The following ZFHX4 variants were observed in gnomAD, a reference collection of about 807,000 sequenced individuals.
ZFHX4 encodes zinc finger homeobox protein 4.
Under a neutral mutation model 267.6 loss-of-function variants are expected in ZFHX4, and 56 were observed. The observed-to-expected ratio is 0.21, with a 90% confidence interval of 0.17 to 0.26. ZFHX4 has a LOEUF of 0.26. Among genes scored for constraint, ZFHX4 ranks in the 10% least tolerant of loss-of-function variants. The pLI is 1.00. For missense variants in ZFHX4, 4,332 were observed against 4,420.0 expected (o/e 0.98, Z 0.56); for synonymous variants, 1,778 against 1,665.6 (o/e 1.07, Z -1.64).
At position 76,866,278 on chromosome 8, in the gene ZFHX4, G is replaced by A. The variant is rs898104412; in HGVS notation, c.*1713G>A. 2 of 152,570 alleles carry A rather than the reference G, an allele frequency of 1.3e-5. No homozygotes were observed. The highest frequency in any genetic ancestry group is 4.8e-5 in the African/African-American group (2 of 41,442). 9.5% of individuals were successfully genotyped at this position (152,570 alleles called of 1,614,324 possible). ...GATATTTCTCTTCCGAGATGAACAA[G>A]TAGCATGTAATGCAACTGTTTGACA... On this transcript the variant is annotated 3_prime_UTR_variant, in exon 11 of 11. Transcript: ENST00000651372.
chr8:76,694,934 AT>A (rs1334414429), intron 1 of ZFHX4, among the ~76,000 whole-genome samples: 1 of 151,828 alleles, frequency 6.6e-6, no homozygotes, highest in African/African-American at 2.4e-5. Context: ...TCATCAGCTC[AT>A]TTGTCATGGC....
chr8:76,730,006 T>A (rs28624299), intron 3 of ZFHX4, among the ~76,000 whole-genome samples: 1 of 152,122 alleles, frequency 6.6e-6, no homozygotes, highest in African/African-American at 2.4e-5. Flanking sequence ...GAGAAAAAAA[T>A]TTTCAAAGCA....
At chr8:76,701,663 A>G (rs1207314574) in intron 1 of ZFHX4, among the ~76,000 whole-genome samples, 3 of 152,172 alleles carry the variant, frequency 2.0e-5, no homozygotes, top group African/African-American at 4.8e-5. Flanking sequence ...AATTCTAGCT[A>G]GTGACTGTAT....
At chr8:76,740,597 T>G (rs976961412) in intron 3 of ZFHX4, among the ~76,000 whole-genome samples, 3 of 151,980 alleles carry the variant, frequency 2.0e-5, no homozygotes, top group Admixed American at 2.0e-4. Flanking sequence ...AAGTAAGAAT[T>G]GAAATGGGGA....
chr8:76,786,328 A>T (rs1810688146), intron 4 of ZFHX4, among the ~76,000 whole-genome samples: 1 of 151,002 alleles, frequency 6.6e-6, no homozygotes, highest in Non-Finnish European at 1.5e-5. Flanking sequence ...ATCAGTTCTC[A>T]TCTGGGAAAA....
intron 3 of ZFHX4, among the ~76,000 whole-genome samples, chr8:76,742,228 T>G (rs191750977): frequency 6.6e-6 from 1 of 152,306 alleles, no homozygotes; most frequent in Non-Finnish European, 1.5e-5. Flanking sequence ...AATTCCACTC[T>G]TGACACCCTT....
intron 1 of ZFHX4, among the ~76,000 whole-genome samples, chr8:76,702,620 A>G (rs1223014220): frequency 1.3e-5 from 2 of 152,224 alleles, no homozygotes; most frequent in African/African-American, 4.8e-5. Flanking sequence ...CTGAGATAGT[A>G]CATATTTATC....
intron 4 of ZFHX4, among the ~76,000 whole-genome samples, chr8:76,824,106 A>C (rs1276827874): frequency 6.6e-6 from 1 of 152,176 alleles, no homozygotes; most frequent in East Asian, 1.9e-4. Context: ...GATCAGTTTA[A>C]ATTTTTACAG....
chr8:76,785,080 A>G (rs1336050191), intron 4 of ZFHX4, among the ~76,000 whole-genome samples: 1 of 152,204 alleles, frequency 6.6e-6, no homozygotes, highest in East Asian at 1.9e-4. Context: ...GTTAGTCTAG[A>G]CTAAAAGAGT....
intron 3 of ZFHX4, among the ~76,000 whole-genome samples, chr8:76,757,029 TAC>T (rs1809782839): frequency 6.6e-6 from 1 of 152,142 alleles, no homozygotes; most frequent in South Asian, 2.1e-4. Flanking sequence ...ATTTAATCAA[TAC>T]ACACGCAGCC....
chr8:76,853,500 C>T lies in ZFHX4; in HGVS notation c.6579C>T (p.Tyr2193=). The change falls in exon 10 of 11, where the codon TAC becomes TAT. Residue 2193 remains tyrosine, a synonymous_variant. Coordinates refer to ENST00000651372, the MANE Select transcript of ZFHX4 (RefSeq NM_024721.5). ...GACAGAGAAATAAAGATTCACCATA[C>T]AACTTCAGTAACCCTCCTATAACGG... The part of the protein sequence containing the change: ...KERQRNKDSP[Y]NFSNPPITVL... The T allele has an allele frequency of 6.2e-7, 1 of 1,613,942 alleles. No homozygotes were observed. Among genetic ancestry groups the T allele is most frequent in the Non-Finnish European group, 8.5e-7 (1 of 1,179,866 alleles).
At position 76,864,083 on chromosome 8, in the gene ZFHX4, A is replaced by C. The variant is rs1448891271; in HGVS notation, c.10369A>C (p.Ser3457Arg). 1.9e-6 allele frequency: 3 copies of C among 1,613,840 alleles called. No homozygotes were observed. The South Asian group carries it at 3.3e-5, about 18-fold the overall frequency. ...YQCLACDVAI[S>R]GNEALSQHLQ... ...GTGTCTTGCCTGTGATGTGGCTATC[A>C]GTGGGAATGAAGCACTTAGCCAACA... The change falls in exon 11 of 11, where the codon AGT becomes CGT. Residue 3457 changes from serine (S) to arginine (R), a missense_variant. By Grantham distance (110) the Ser-to-Arg change is moderately radical. Around this residue, in one of 7 missense-constraint regions of ZFHX4, gnomAD observed 1,648 missense variants for 1,625.0 expected, o/e 1.01. Transcript: ENST00000651372.
intron 1 of ZFHX4, chr8:76,683,692 GAC>G (rs1385313133): frequency 2.0e-5 from 3 of 151,360 alleles, no homozygotes; most frequent in Non-Finnish European, 4.4e-5. Flanking sequence ...AGAGACAAGA[GAC>G]AGAGGAGGGT....
chr8:76,702,354 A>C (rs1256936138), intron 1 of ZFHX4, among the ~76,000 whole-genome samples: 1 of 152,206 alleles, frequency 6.6e-6, no homozygotes, highest in Non-Finnish European at 1.5e-5. Context: ...AATGTTTTCT[A>C]AACTGATCAC....
chr8:76,727,391 A>G (rs1469264563), intron 3 of ZFHX4, among the ~76,000 whole-genome samples: 1 of 152,204 alleles, frequency 6.6e-6, no homozygotes, highest in Non-Finnish European at 1.5e-5. Context: ...CAACAAAAAC[A>G]TAATAATATA....
Position 76,866,183 on chromosome 8 carries a change from T to C in ZFHX4, c.*1618T>C, listed in dbSNP as rs114055842. The C allele has an allele frequency of 1.3e-3, 191 of 152,788 alleles. No homozygotes were observed. The highest frequency in any genetic ancestry group is 4.4e-3 in the African/African-American group (181 of 41,596). 9.5% of individuals were successfully genotyped at this position (152,788 alleles called of 1,614,324 possible). Reference sequence around the variant, plus strand: ...GTGAACAAAGAAAGCTAAGCTGTTGTACATATTTGTAGTTGGCTGTGCATG... The same window carrying C: ...GTGAACAAAGAAAGCTAAGCTGTTGCACATATTTGTAGTTGGCTGTGCATG... On this transcript the variant is annotated 3_prime_UTR_variant, in exon 11 of 11. Coordinates refer to ENST00000651372, the MANE Select transcript of ZFHX4 (RefSeq NM_024721.5).
At chr8:76,807,656 A>G (rs1811278156) in intron 4 of ZFHX4, among the ~76,000 whole-genome samples, 1 of 152,172 alleles carries the variant, frequency 6.6e-6, no homozygotes, top group Non-Finnish European at 1.5e-5. Flanking sequence ...GGCCACACAT[A>G]TTACAATCAG....
rs1204888034 is a variant in ZFHX4 at position 76,704,150 on chromosome 8, T to C, written c.62T>C (p.Leu21Pro). The C allele has an allele frequency of 6.2e-7, 1 of 1,613,886 alleles. No individual in the cohort carries two copies. The highest frequency in any genetic ancestry group is 1.7e-5 in the Admixed American group (1 of 60,000). The change falls in exon 2 of 11, where the codon CTA (leucine) becomes CCA (proline). Residue 21 changes from leucine to proline, a missense_variant. Transcript: ENST00000651372. ...RQENGQSTSK[L>P]CGTTQLDNEV... Reference sequence around the variant, plus strand: ...GAAAATGGGCAGAGCACATCAAAGCTATGTGGAACGACACAACTTGATAAT... The same window carrying C: ...GAAAATGGGCAGAGCACATCAAAGCCATGTGGAACGACACAACTTGATAAT...
At chr8:76,761,171 A>C (rs935893745) in intron 3 of ZFHX4, among the ~76,000 whole-genome samples, 2 of 152,230 alleles carry the variant, frequency 1.3e-5, no homozygotes, top group Non-Finnish European at 2.9e-5. Context: ...TGTTTTATAC[A>C]TAAAGTATTT....
Sources: gnomAD v4.1 joint callset for allele counts (sites outside exome capture counted in the v4.1 genomes callset) on GRCh38, gnomAD v4.1.1 for gene constraint, gnomAD v4.1.1 regional missense constraint, MANE v1.5 for transcripts, NCBI Gene and HGNC (gene_info 2026-07-23, HGNC 2026-07-21) for gene names.